Variants in SGPL1 observed in about 807,000 individuals in gnomAD.
The protein encoded by SGPL1 is sphingosine-1-phosphate lyase 1, also known as SP-lyase 1.
SGPL1 carries 37 observed loss-of-function variants against 68.9 expected under a neutral mutation model. That is an observed-to-expected ratio of 0.54 (90% CI 0.41 to 0.71). SGPL1 has a LOEUF of 0.71. SGPL1 is among the 30% of genes least tolerant of loss of function. The pLI is 0.00. For missense variants in SGPL1, 551 were observed against 704.6 expected, an observed-to-expected ratio of 0.78 and a Z score of 2.47; for synonymous variants, 236 against 248.5, an observed-to-expected ratio of 0.95 and a Z score of 0.47.
chr10:70,870,060 CTT>C, intron 9 of SGPL1, 163 bp downstream of exon 9: 1 of 551,810 alleles, frequency 1.8e-6, no homozygotes, highest in Non-Finnish European at 3.3e-6. Context: ...CAGCTTCAGT[CTT>C]TTCATAGGTT....
chr10:70,875,859 A>G (rs1405811984), intron 13 of SGPL1, among the ~76,000 whole-genome samples: 1 of 152,152 alleles, frequency 6.6e-6, no homozygotes, highest in Non-Finnish European at 1.5e-5. Flanking sequence ...TGCTCTTATA[A>G]AATACTTGTT....
At chr10:70,876,368 C>T (rs1202289740) in intron 13 of SGPL1, among the ~76,000 whole-genome samples, 173 bp from the exon 14 acceptor site, 1 of 152,162 alleles carries the variant, frequency 6.6e-6, no homozygotes, top group Non-Finnish European at 1.5e-5. Flanking sequence ...CCATGCCTGA[C>T]ACCCCAAGCA....
At chr10:70,842,859 A>C (rs1033328462) in intron 2 of SGPL1, among the ~76,000 whole-genome samples, 10 of 152,146 alleles carry the variant, frequency 6.6e-5, no homozygotes, top group African/African-American at 1.9e-4. Flanking sequence ...GGGCACTGTT[A>C]CTTGGGCACT....
At chr10:70,864,791 G>C (rs1846149389) in intron 7 of SGPL1, among the ~76,000 whole-genome samples, 1 of 152,120 alleles carries the variant, frequency 6.6e-6, no homozygotes, top group South Asian at 2.1e-4. Context: ...TGCACTGTGG[G>C]TGCTTCCTGT....
At chr10:70,859,691 T>G (rs1836441681) in intron 7 of SGPL1, 192 bp downstream of exon 7, 1 of 176,338 alleles carries the variant, frequency 5.7e-6, no homozygotes, top group South Asian at 1.9e-4. Context: ...AAGATCCTAA[T>G]TAACTGCAGT....
At chr10:70,876,113 A>C (rs1846380220) in intron 13 of SGPL1, among the ~76,000 whole-genome samples, 2 of 152,128 alleles carry the variant, frequency 1.3e-5, no homozygotes, top group East Asian at 3.8e-4. Flanking sequence ...AAACCCCACT[A>C]AATTCCTCCA....
chr10:70,872,101 G>A, intron 11 of SGPL1, 115 bp downstream of exon 11: 2 of 1,073,576 alleles, frequency 1.9e-6, no homozygotes, highest in South Asian at 1.8e-5. Flanking sequence ...CTCATCAGAT[G>A]CTTGTTTTAA....
rs370624413 is a variant in SGPL1, at chr10:70,853,781, T to G, written c.262-927T>G. Among the ~76,000 whole-genome samples the G allele has an allele frequency of 5.9e-5, 9 of 152,334 alleles. 1 individual carries two copies. The East Asian group carries it at 1.3e-3, about 23-fold the overall frequency. ...ACTACCTAGCAGAAAGGACCTTAGT[T>G]CCTTTTAATATTTTGGGGTCAGACA... On this transcript the variant is annotated intron_variant, in intron 4 of 14. Coordinates refer to ENST00000373202, the MANE Select transcript of SGPL1 (RefSeq NM_003901.4).
At chr10:70,851,327 G>C in intron 4 of SGPL1, 117 bp downstream of exon 4, 1 of 849,708 alleles carries the variant, frequency 1.2e-6, no homozygotes, top group South Asian at 1.5e-5. Context: ...TTACCTCCAG[G>C]GGACACTTGG....
intron 2 of SGPL1, among the ~76,000 whole-genome samples, chr10:70,833,637 G>A (rs1269325862): frequency 6.6e-6 from 1 of 152,128 alleles, no homozygotes; most frequent in Non-Finnish European, 1.5e-5. Context: ...GATTAAATTA[G>A]CTTTGCTTTC....
chr10:70,838,449 G>T (rs1219132071), intron 2 of SGPL1, among the ~76,000 whole-genome samples: 1 of 152,156 alleles, frequency 6.6e-6, no homozygotes, highest in Non-Finnish European at 1.5e-5. Flanking sequence ...TATCATTGGG[G>T]ATAGCTGTGG....
At chr10:70,846,036 C>T (rs1845787031) in intron 3 of SGPL1, among the ~76,000 whole-genome samples, 1 of 152,212 alleles carries the variant, frequency 6.6e-6, no homozygotes, top group African/African-American at 2.4e-5. Context: ...GTAAACATTG[C>T]AAAACCTGAC....
chr10:70,820,055 A>T (rs1012566812), intron 2 of SGPL1: 1 of 152,230 alleles, frequency 6.6e-6, no homozygotes, highest in East Asian at 1.9e-4. Flanking sequence ...AAACAATACA[A>T]GGTGGATTCA....
At chr10:70,860,442 C>G (rs1216120902) in intron 7 of SGPL1, 4 of 467,150 alleles carry the variant, frequency 8.6e-6, no homozygotes, top group African/African-American at 8.1e-5. Flanking sequence ...CCATGAAAAT[C>G]ATCATGTTCA....
intron 2 of SGPL1, among the ~76,000 whole-genome samples, chr10:70,824,700 G>A (rs983906793): frequency 1.3e-5 from 2 of 152,180 alleles, no homozygotes; most frequent in Admixed American, 1.3e-4. Flanking sequence ...TTTAACTTAT[G>A]TGACAGGCAG....
chr10:70,849,031 A>G (rs1359928621), intron 3 of SGPL1, among the ~76,000 whole-genome samples: 1 of 151,906 alleles, frequency 6.6e-6, no homozygotes, highest in Non-Finnish European at 1.5e-5. Context: ...GGATCTTTTT[A>G]TTTTTAGTTT....
At chr10:70,857,959 C>T (rs1360455521) in intron 6 of SGPL1, among the ~76,000 whole-genome samples, 2 of 152,210 alleles carry the variant, frequency 1.3e-5, no homozygotes, top group African/African-American at 4.8e-5. Flanking sequence ...GGAAGGTAGT[C>T]CTGTCAGATG....
chr10:70,845,415 T>C (rs1845776340), intron 3 of SGPL1, among the ~76,000 whole-genome samples: 1 of 152,172 alleles, frequency 6.6e-6, no homozygotes, highest in Non-Finnish European at 1.5e-5. Context: ...TGTGGGGATA[T>C]CTGCACAAGT....
intron 7 of SGPL1, among the ~76,000 whole-genome samples, chr10:70,862,470 G>T (rs1207995597): frequency 6.6e-6 from 1 of 152,136 alleles, no homozygotes; most frequent in Non-Finnish European, 1.5e-5. Flanking sequence ...GAGAATAAAA[G>T]CAGGCTGCCA....
Sources: gnomAD v4.1 joint callset for allele counts (sites outside exome capture counted in the v4.1 genomes callset) on GRCh38, gnomAD v4.1.1 for gene constraint, MANE v1.5 for transcripts, NCBI Gene and HGNC (gene_info 2026-07-23, HGNC 2026-07-21) for gene names.